The following ULK2 variants were observed in gnomAD, a reference collection of about 807,000 sequenced individuals.
The protein encoded by ULK2 is serine/threonine-protein kinase ULK2.
In ULK2, 76 loss-of-function variants were observed where a neutral mutation model predicts 127.5. That is an observed-to-expected ratio of 0.60 (90% confidence interval 0.50 to 0.72). The LOEUF (loss-of-function observed/expected upper bound fraction) is 0.72. ULK2 is among the 30% of genes least tolerant of loss of function. The pLI, the probability that ULK2 is intolerant of heterozygous loss-of-function variation, is 0.00. For synonymous variants in ULK2, 452 were observed against 461.9 expected, an observed-to-expected ratio of 0.98 and a Z score of 0.28; for missense variants, 1,144 against 1,295.9, an observed-to-expected ratio of 0.88 and a Z score of 1.80.
intron 12 of ULK2, among the ~76,000 whole-genome samples, chr17:19,823,092 C>G (rs1011691989): frequency 6.9e-6 from 1 of 144,170 alleles, no homozygotes; most frequent in African/African-American, 2.6e-5. Flanking sequence ...TCCCTTACAG[C>G]TGAGTCTACA....
intron 9 of ULK2, 62 bp downstream of exon 9, chr17:19,841,426 AC>A: frequency 7.0e-7 from 1 of 1,434,316 alleles, no homozygotes; most frequent in South Asian, 1.3e-5. Context: ...CAAAACACAA[AC>A]AGTTCAAATA....
intron 3 of ULK2, among the ~76,000 whole-genome samples, chr17:19,858,889 G>A (rs2042184931): frequency 6.6e-6 from 1 of 152,124 alleles, no homozygotes; most frequent in East Asian, 1.9e-4. Context: ...AGAACTGCTT[G>A]AGCCCAGAAG....
At chr17:19,858,968 T>A (rs1430425915) in intron 3 of ULK2, among the ~76,000 whole-genome samples, 3 of 151,030 alleles carry the variant, frequency 2.0e-5, no homozygotes. Context: ...AAACTCCGTC[T>A]CAAAAAAAAA....
chr17:19,829,548 A>AAGGCG lies in ULK2; in HGVS notation c.788-3363_788-3362insCGCCT, dbSNP rs531835867. Among the ~76,000 whole-genome samples the AAGGCG allele has an allele frequency of 4.3e-4, 11 of 25,510 alleles. No homozygotes were observed. The South Asian group carries it at 0.01, about 24-fold the overall frequency. 16.7% of individuals were successfully genotyped at this position (25,510 alleles called of 152,430 possible). On this transcript the variant is annotated intron_variant, in intron 10 of 26. Coordinates refer to ENST00000395544, the MANE Select transcript of ULK2 (RefSeq NM_014683.4). ...TGAGACCCTGTCAAGGAAAAAAAAAAGGGGGGGGGCTGGGCACGGTAGCTC... is the reference window on the plus strand; with the variant it reads ...TGAGACCCTGTCAAGGAAAAAAAAAAAGGCGGGGGGGGGGCTGGGCACGGTAGCTC...
intron 5 of ULK2, among the ~76,000 whole-genome samples, chr17:19,847,786 G>A (rs2041918164): frequency 6.6e-6 from 1 of 152,180 alleles, no homozygotes; most frequent in Admixed American, 6.6e-5. Context: ...TGACCTAAGT[G>A]ATCCACTTGC....
rs35107651 is a variant in ULK2 at position 19,782,002 on chromosome 17, G to T, written c.2526C>A (p.Asp842Glu). The T allele has an allele frequency of 4.2e-5, 68 of 1,614,192 alleles. No individual in the cohort carries two copies. The East Asian group carries it at 1.5e-3, about 35-fold the overall frequency. ...GGTTTCCTCCCCTCATGGCTGTCAG[G>T]TCCAGCACACACTCAGTGAACATCA... ...VMLMFTECVL[D>E]LTAMRGGNPE... Residue 842 changes from aspartate to glutamate, a missense_variant, in exon 23 of 27, where the codon GAC (aspartate) becomes GAA (glutamate). This residue lies in a region of ULK2 where 913 missense variants were observed against 970.5 expected (regional missense o/e 0.94). Transcript: ENST00000395544.
At chr17:19,780,357 T>C in intron 25 of ULK2, 115 bp downstream of exon 25, 1 of 948,884 alleles carries the variant, frequency 1.1e-6, no homozygotes, top group Non-Finnish European at 1.5e-6. Context: ...CAATCCACAA[T>C]ACTTGGGACT....
At chr17:19,854,561 G>GT (rs1169604018) in intron 3 of ULK2, among the ~76,000 whole-genome samples, 2 of 151,988 alleles carry the variant, frequency 1.3e-5, no homozygotes, top group Non-Finnish European at 1.5e-5. Flanking sequence ...TCAAAAACAG[G>GT]TAAGAGTCTG....
At chr17:19,836,112 A>C (rs1232365722) in intron 10 of ULK2, among the ~76,000 whole-genome samples, 1 of 151,904 alleles carries the variant, frequency 6.6e-6, no homozygotes. Flanking sequence ...ACTAAAAAAA[A>C]AAAAAAACAA....
Position 19,845,360 on chromosome 17 carries a change from G to C in ULK2, c.487C>G (p.Arg163Gly). Residue 163 changes from arginine (R) to glycine (G), a missense_variant, in exon 7 of 27, where the codon CGT (arginine) becomes GGT (glycine). By Grantham distance (125) the Arg-to-Gly change is moderately radical. Transcript: ENST00000395544. ...RIKIADFGFARYLHSNMMAAT... is the reference protein window; with the variant it reads ...RIKIADFGFAGYLHSNMMAAT... Reference sequence around the variant, plus strand: ...GCCATCATGTTACTATGTAGGTAACGAGCAAAACCAAAATCCGCTATTTCA... The same window carrying C: ...GCCATCATGTTACTATGTAGGTAACCAGCAAAACCAAAATCCGCTATTTCA... The C allele has an allele frequency of 6.2e-7, 1 of 1,613,758 alleles. No individual in the cohort carries two copies. The highest frequency in any genetic ancestry group is 8.5e-7 in the Non-Finnish European group (1 of 1,179,814).
chr17:19,840,545 G>A (rs982299253), intron 9 of ULK2: 1 of 316,934 alleles, frequency 3.2e-6, no homozygotes, highest in Non-Finnish European at 6.2e-6. Context: ...ATGTACTCCT[G>A]CCTAAATAGT....
At chr17:19,823,126 ATTTTT>A (rs3884213) in intron 12 of ULK2, among the ~76,000 whole-genome samples, 1 of 113,206 alleles carries the variant, frequency 8.8e-6, no homozygotes, top group African/African-American at 3.8e-5. Context: ...ACGCCTGGCT[ATTTTT>A]TTTTTTTTTT....
intron 7 of ULK2, among the ~76,000 whole-genome samples, chr17:19,844,966 C>T (rs1439894766): frequency 6.6e-6 from 1 of 152,158 alleles, no homozygotes; most frequent in Non-Finnish European, 1.5e-5. Flanking sequence ...TGAAGAAGTG[C>T]TCCCAGAAGA....
At chr17:19,845,982 G>A (rs936372387) in intron 6 of ULK2, among the ~76,000 whole-genome samples, 1 of 151,948 alleles carries the variant, frequency 6.6e-6, no homozygotes, top group Admixed American at 6.6e-5. Flanking sequence ...GCTGGGTGTG[G>A]TGGCACATGC....
intron 26 of ULK2, 38 bp downstream of exon 26, chr17:19,777,543 T>C (rs200640388): frequency 6.4e-7 from 1 of 1,573,746 alleles, no homozygotes; most frequent in South Asian, 1.2e-5. Context: ...ACAACTAAAA[T>C]GAAGTAAAAA....
rs2087295498 is a variant in ULK2, at chr17:19,797,419, T to C, written c.1786A>G (p.Thr596Ala). 1 of 1,613,416 alleles carries C rather than the reference T, an allele frequency of 6.2e-7. No individual in the cohort carries two copies. Among genetic ancestry groups the C allele is most frequent in the Non-Finnish European group, 8.5e-7 (1 of 1,179,806 alleles). ...ACCTTAGTAGGAGAGCCAATGATTG[T>C]TGGCAAAGGAGTTTTAAAGAACCAG... ...SDWFFKTPLP[T>A]IIGSPTKTTA... is the part of the protein sequence containing the mutation. Residue 596 changes from threonine to alanine, a missense_variant, in exon 18 of 27, where the codon ACA (threonine) becomes GCA (alanine). Transcript: ENST00000395544.
intron 5 of ULK2, among the ~76,000 whole-genome samples, chr17:19,847,616 C>G (rs2041914725): frequency 6.6e-6 from 1 of 152,180 alleles, no homozygotes; most frequent in Non-Finnish European, 1.5e-5. Flanking sequence ...GTGGCACAAT[C>G]TCAGCTCACT....
At chr17:19,782,090 T>C (rs2086931790) in intron 22 of ULK2, 23 bp from the exon 23 acceptor site, 4 of 1,610,244 alleles carry the variant, frequency 2.5e-6, no homozygotes, top group Non-Finnish European at 2.5e-6. Flanking sequence ...CAATTTGTCT[T>C]AGAAAATTTC....
intron 18 of ULK2, 103 bp downstream of exon 18, chr17:19,797,293 T>C: frequency 3.1e-6 from 4 of 1,294,802 alleles, no homozygotes; most frequent in East Asian, 2.7e-5. Context: ...CAAGACTCTG[T>C]CTCAAAAAAT....
Sources: gnomAD v4.1 joint callset for allele counts (sites outside exome capture counted in the v4.1 genomes callset) on GRCh38, gnomAD v4.1.1 for gene constraint, gnomAD v4.1.1 regional missense constraint, MANE v1.5 for transcripts, NCBI Gene and HGNC (gene_info 2026-07-23, HGNC 2026-07-21) for gene names.